MMP16: variants seen among roughly 807,000 people sequenced by gnomAD.
MMP16 encodes the protein matrix metallopeptidase 16, also known as matrix metalloproteinase-16.
A neutral mutation model predicts 67.8 loss-of-function variants in MMP16; 12 were observed. That is an observed-to-expected ratio of 0.18 (90% confidence interval 0.11 to 0.29). MMP16 has a LOEUF of 0.29. Ranked by LOEUF, MMP16 falls within the 10% of genes least tolerant of loss-of-function variation. The probability of loss-of-function intolerance (pLI) is 1.00; values close to 1 mark genes in which losing one functional copy is unlikely to be tolerated. For missense variants in MMP16, 475 were observed against 765.7 expected, an observed-to-expected ratio of 0.62 and a Z score of 4.48; for synonymous variants, 249 against 255.9, an observed-to-expected ratio of 0.97 and a Z score of 0.26.
chr8:88,180,380 T>TCTTGCA (rs1808961286), intron 3 of MMP16, among the ~76,000 whole-genome samples: 1 of 151,842 alleles, frequency 6.6e-6, no homozygotes, highest in Non-Finnish European at 1.5e-5. Flanking sequence ...TCCTGCTATA[T>TCTTGCA]GTTTCCTGCA....
At chr8:88,069,444 T>C (rs776357219) in intron 7 of MMP16, 1 of 531,996 alleles carries the variant, frequency 1.9e-6, no homozygotes, top group South Asian at 1.4e-5. Flanking sequence ...AGGCACTGAC[T>C]GCCTTTGTTC....
intron 2 of MMP16, among the ~76,000 whole-genome samples, chr8:88,186,993 C>T (rs182219857): frequency 7.2e-5 from 11 of 152,288 alleles, no homozygotes; most frequent in African/African-American, 2.6e-4. Context: ...CCACCTTTAA[C>T]ATTCAAAGAT....
intron 6 of MMP16, among the ~76,000 whole-genome samples, chr8:88,085,026 T>C (rs1808811380): frequency 6.6e-6 from 1 of 150,952 alleles, no homozygotes; most frequent in Admixed American, 6.7e-5. Context: ...GACTGTAACA[T>C]ATGTGGACTG....
chr8:88,102,422 G>C (rs28906671), intron 6 of MMP16, among the ~76,000 whole-genome samples: 1 of 151,830 alleles, frequency 6.6e-6, no homozygotes, highest in Admixed American at 6.6e-5. Context: ...GGTATGGGGG[G>C]AGTGGGGCAG....
intron 4 of MMP16, among the ~76,000 whole-genome samples, chr8:88,153,220 A>C (rs969249926): frequency 1.3e-5 from 2 of 151,802 alleles, no homozygotes; most frequent in Non-Finnish European, 2.9e-5. Context: ...AAAAGAGGAT[A>C]CAAACAAATG....
intron 6 of MMP16, among the ~76,000 whole-genome samples, chr8:88,081,725 T>C (rs1014176158): frequency 3.3e-5 from 5 of 152,192 alleles, no homozygotes; most frequent in African/African-American, 1.2e-4. Flanking sequence ...AATAGAAAGA[T>C]AATACTTACA....
intron 3 of MMP16, among the ~76,000 whole-genome samples, chr8:88,172,899 T>C (rs1808828347): frequency 6.6e-6 from 1 of 151,922 alleles, no homozygotes; most frequent in Admixed American, 6.6e-5. Flanking sequence ...TACAAAAGAG[T>C]TGAGAAAAGA....
intron 1 of MMP16, among the ~76,000 whole-genome samples, chr8:88,309,634 A>G (rs1412494222): frequency 6.6e-6 from 1 of 152,082 alleles, no homozygotes; most frequent in East Asian, 1.9e-4. Flanking sequence ...CCTGTTAAAC[A>G]CAAAAGTGAA....
At chr8:88,130,102 A>C (rs1478567212) in intron 4 of MMP16, among the ~76,000 whole-genome samples, 2 of 151,828 alleles carry the variant, frequency 1.3e-5, no homozygotes, top group Admixed American at 6.6e-5. Context: ...TTTTCTAAGA[A>C]TCAATGTAAT....
At chr8:88,098,767 T>C (rs533994468) in intron 6 of MMP16, among the ~76,000 whole-genome samples, 5 of 151,860 alleles carry the variant, frequency 3.3e-5, no homozygotes, top group Non-Finnish European at 2.9e-5. Flanking sequence ...AATACAAGTA[T>C]AATATTATGA....
intron 1 of MMP16, among the ~76,000 whole-genome samples, chr8:88,291,043 G>A (rs1201901645): frequency 6.6e-6 from 1 of 152,118 alleles, no homozygotes; most frequent in Non-Finnish European, 1.5e-5. Context: ...TACTTTGGAA[G>A]GCTGGGGTAG....
rs539069212 is a variant in MMP16, at chr8:88,250,525, G to T, written c.133-53219C>A. 2.6e-5 allele frequency among the ~76,000 whole-genome samples: 4 copies of T among 152,048 alleles called. No individual in the cohort carries two copies. The South Asian group carries it at 6.2e-4, about 24-fold the overall frequency. On this transcript the variant is annotated intron_variant, in intron 1 of 9. Transcript: ENST00000286614. ...GCTCAACTTACTATTCTTTGAGAAA[G>T]CATAAAGGGATCACAACTATTAAAT...
chr8:88,165,371 A>G (rs1158628526), intron 4 of MMP16, among the ~76,000 whole-genome samples: 3 of 151,902 alleles, frequency 2.0e-5, no homozygotes, highest in African/African-American at 7.2e-5. Context: ...AAATTAACAC[A>G]TCTTCAAAAC....
intron 4 of MMP16, among the ~76,000 whole-genome samples, chr8:88,127,673 G>C (rs1807957603): frequency 6.6e-6 from 1 of 151,728 alleles, no homozygotes. Context: ...TTTAAAGGCT[G>C]TCCATATAAA....
intron 4 of MMP16, among the ~76,000 whole-genome samples, chr8:88,162,027 T>C (rs1019788563): frequency 3.3e-5 from 5 of 152,120 alleles, no homozygotes; most frequent in Non-Finnish European, 5.9e-5. Context: ...AGAATGAATA[T>C]ACATCTCCTT....
At chr8:88,287,662 G>A (rs1025427319) in intron 1 of MMP16, among the ~76,000 whole-genome samples, 1 of 152,062 alleles carries the variant, frequency 6.6e-6, no homozygotes, top group African/African-American at 2.4e-5. Context: ...AGTTGTAGGG[G>A]CCTAAATATT....
chr8:88,264,014 C>A (rs1810432779), intron 1 of MMP16, among the ~76,000 whole-genome samples: 1 of 131,248 alleles, frequency 7.6e-6, no homozygotes, highest in Non-Finnish European at 1.6e-5. Context: ...GTGTGTGCAA[C>A]TTCCCTACAA....
At chr8:88,250,372 G>T (rs762823038) in intron 1 of MMP16, among the ~76,000 whole-genome samples, 11 of 152,154 alleles carry the variant, frequency 7.2e-5, no homozygotes, top group Non-Finnish European at 1.0e-4. Context: ...GTCTTCTACT[G>T]AAGTGTTATT....
At chr8:88,153,508 C>G (rs1253659117) in intron 4 of MMP16, among the ~76,000 whole-genome samples, 1 of 152,000 alleles carries the variant, frequency 6.6e-6, no homozygotes, top group Admixed American at 6.6e-5. Context: ...GTACTGGTAC[C>G]AAAACAGAGA....
Sources: allele counts gnomAD v4.1 joint callset (sites outside exome capture counted in the v4.1 genomes callset), GRCh38; gene constraint gnomAD v4.1.1; transcripts MANE v1.5; gene names NCBI Gene and HGNC (gene_info 2026-07-23, HGNC 2026-07-21).